A2M: variants seen among roughly 807,000 people sequenced by gnomAD.
A2M encodes the protein C3 and PZP-like alpha-2-macroglobulin domain-containing protein 5.
A neutral mutation model predicts 183.9 loss-of-function variants in A2M; 128 were observed. The observed-to-expected ratio is 0.70, with a 90% confidence interval of 0.60 to 0.81. The LOEUF (loss-of-function observed/expected upper bound fraction) is 0.81. Ranked by LOEUF, A2M falls within the 30% of genes least tolerant of loss-of-function variation. A2M has a pLI of 0.00. For missense variants in A2M, 1,495 were observed against 1,787.6 expected (o/e 0.84, Z 2.95); for synonymous variants, 592 against 670.8 (o/e 0.88, Z 1.81).
chr12:9,094,899 A>G lies in A2M; in HGVS notation c.2125+74T>C, dbSNP rs1188566070. On this transcript the variant is annotated intron_variant, in intron 17 of 35. Coordinates refer to ENST00000318602, the MANE Select transcript of A2M (RefSeq NM_000014.6). The stretch of plus-strand genomic sequence containing the variant: ...TCCTTTTTGTTTGTTAATTTTTGTC[A>G]CATTGTATCTTTTAAAAAATTTAAA... 1.2e-5 allele frequency: 9 copies of G among 748,528 alleles called. No homozygotes were observed. In the Admixed American group the frequency reaches 3.1e-4, roughly 26 times the overall value. The allele number at this position is 748,528 out of a possible 1,614,324, so 46.4% of individuals were successfully genotyped here. A position where few individuals can be genotyped will look rare whatever the true frequency, so the allele number is the denominator to read the frequency against.
At chr12:9,068,041 A>G in intron 35 of A2M, 142 bp downstream of exon 35, 1 of 1,067,332 alleles carries the variant, frequency 9.4e-7, no homozygotes, top group Non-Finnish European at 1.4e-6. Flanking sequence ...CTCTCCAATA[A>G]ATGTGTTTTT....
chr12:9,093,634 G>T, intron 17 of A2M, 55 bp from the exon 18 acceptor site: 2 of 982,076 alleles, frequency 2.0e-6, no homozygotes, highest in Non-Finnish European at 2.9e-6. Flanking sequence ...AAGCTTATGA[G>T]AGAATGTAAT....
rs78698660 is a variant in A2M at position 9,101,423 on chromosome 12, C to T, written c.1494+24G>A. On this transcript the variant is annotated intron_variant, in intron 12 of 35. Transcript: ENST00000318602. ...AGAGAGCTTTTGTCTACAGTGAAGT[C>T]AACGCAGTAACCTCCCTTCTCACCA... 6.8e-3 allele frequency: 10,818 copies of T among 1,590,352 alleles called. 529 individuals carry two copies. In the Admixed American group the frequency reaches 0.12, roughly 17 times the overall value.
chr12:9,079,453 G>T (rs1948842191), intron 24 of A2M, 122 bp from the exon 25 acceptor site: 1 of 1,168,938 alleles, frequency 8.6e-7, no homozygotes, highest in African/African-American at 1.5e-5. Context: ...CATAGATTAG[G>T]AGTTTCTGAG....
At chr12:9,079,364 G>A in intron 24 of A2M, 33 bp from the exon 25 acceptor site, 1 of 1,551,458 alleles carries the variant, frequency 6.4e-7, no homozygotes, top group South Asian at 1.1e-5. Context: ...CAGCACAATG[G>A]ATTAATGTGC....
intron 22 of A2M, 61 bp from the exon 23 acceptor site, chr12:9,080,238 G>C: frequency 8.5e-7 from 1 of 1,180,858 alleles, no homozygotes; most frequent in East Asian, 2.6e-5. Context: ...TTTCTAAACA[G>C]CTCTATGACC....
At position 9,079,374 on chromosome 12, in the gene A2M, C is replaced by T. The variant is rs371756472; in HGVS notation, c.3032-43G>A. 1.7e-5 allele frequency: 27 copies of T among 1,562,478 alleles called. No homozygotes were observed. In the African/African-American group the frequency reaches 3.4e-4, roughly 20 times the overall value. Reference sequence around the variant, plus strand: ...CGAAACAGCACAATGGATTAATGTGCATGCTGAGGGTGGAGAAATTACTAA... The same window carrying T: ...CGAAACAGCACAATGGATTAATGTGTATGCTGAGGGTGGAGAAATTACTAA... On this transcript the variant is annotated intron_variant, in intron 24 of 35. Coordinates refer to ENST00000318602, the MANE Select transcript of A2M (RefSeq NM_000014.6).
At position 9,068,781 on chromosome 12, in the gene A2M, A is replaced by G. The variant is rs1948472008; in HGVS notation, c.4325T>C (p.Leu1442Pro). ...TVLQDVPVRD[L>P]KPAIVKVYDY... ...ATAGACTTTCACTATGGCTGGTTTC[A>G]GATCTCTTACTGGGACATCTTGCAG... Residue 1442 changes from leucine to proline, a missense_variant, in exon 34 of 36, where the codon CTG becomes CCG. Transcript: ENST00000318602. The G allele has an allele frequency of 1.2e-6, 2 of 1,609,284 alleles. No homozygotes were observed. The highest frequency in any genetic ancestry group is 1.7e-6 in the Non-Finnish European group (2 of 1,177,862).
intron 10 of A2M, 145 bp downstream of exon 10, chr12:9,106,091 T>C: frequency 3.8e-6 from 2 of 532,740 alleles, no homozygotes; most frequent in Non-Finnish European, 6.7e-6. Context: ...CCTTTGGTTA[T>C]ACTAATCAAG....
chr12:9,093,465 T>C lies in A2M; in HGVS notation c.2240A>G (p.Asn747Ser), dbSNP rs1388515792. The C allele has an allele frequency of 5.6e-6, 9 of 1,612,206 alleles. No homozygotes were observed. Among genetic ancestry groups the C allele is most frequent in the Non-Finnish European group, 7.6e-6 (9 of 1,178,276 alleles). Residue 747 changes from asparagine (N) to serine (S), a missense_variant and splice_region_variant, in exon 18 of 36, where the codon AAC becomes AGC. Coordinates refer to ENST00000318602, the MANE Select transcript of A2M (RefSeq NM_000014.6). ...ATTGCATATGCAGGAAGTTACTTAC[T>C]TTACCACCACCAAATCCCAGATCCA... The part of the protein sequence containing the change: ...ETWIWDLVVV[N>S]SAGVAEVGVT...
Position 9,068,129 on chromosome 12 carries a change from G to C in A2M, c.4408+54C>G, listed in dbSNP as rs764506952. On this transcript the variant is annotated intron_variant, in intron 35 of 35. Transcript: ENST00000318602. ...AGCGTTTTATGAAGGAGAAGGTTTGGGGGGCAAGCTGAAGGAGCTCTGACT... is the reference window on the plus strand; with the variant it reads ...AGCGTTTTATGAAGGAGAAGGTTTGCGGGGCAAGCTGAAGGAGCTCTGACT... The C allele has an allele frequency of 1.3e-5, 20 of 1,585,566 alleles. No individual in the cohort carries two copies. In the East Asian group the frequency reaches 3.4e-4, roughly 27 times the overall value.
At chr12:9,106,460 G>A (rs1213678027) in intron 9 of A2M, 31 bp downstream of exon 9, 2 of 1,476,668 alleles carry the variant, frequency 1.4e-6, no homozygotes, top group Non-Finnish European at 1.9e-6. Context: ...TGCCTGTTGT[G>A]TTTTCTCTTA....
chr12:9,077,976 G>T (rs1805652), intron 25 of A2M, 119 bp from the exon 26 acceptor site: 384,232 of 1,135,024 alleles, frequency 0.34, 69,956 homozygotes, highest in African/African-American at 0.55. Flanking sequence ...TACTTAGAGA[G>T]CTTATCTCCT....
intron 18 of A2M, among the ~76,000 whole-genome samples, chr12:9,093,017 C>T (rs1370577627): frequency 6.6e-6 from 1 of 152,096 alleles, no homozygotes. Context: ...ACAAGTACTG[C>T]GTGATCTTAC....
Position 9,106,591 on chromosome 12 carries a change from G to T in A2M, c.894C>A (p.Gly298=), listed in dbSNP as rs943836479. 11 of 1,572,840 alleles carry T rather than the reference G, an allele frequency of 7.0e-6. No individual in the cohort carries two copies. Among genetic ancestry groups the T allele is most frequent in the South Asian group, 5.8e-5 (5 of 86,680 alleles). ...TGGTTTTTACTTGCTGATAGAAGCA[G>T]CCATGGCTGTTTAGCTAAGAAGGGA... The part of the protein sequence containing the change: ...EKFSGQLNSH[G]CFYQQVKTKV... The change falls in exon 9 of 36, where the codon GGC becomes GGA. Residue 298 remains glycine, a synonymous_variant. Transcript: ENST00000318602.
chr12:9,074,892 C>T, intron 28 of A2M, 109 bp from the exon 29 acceptor site: 1 of 1,140,884 alleles, frequency 8.8e-7, no homozygotes, highest in South Asian at 1.6e-5. Flanking sequence ...CATTATAATC[C>T]CCTGTACTGT....
chr12:9,067,862 A>C, intron 35 of A2M, 23 bp from the exon 36 acceptor site: 1 of 1,609,954 alleles, frequency 6.2e-7, no homozygotes, highest in Non-Finnish European at 8.5e-7. Flanking sequence ...AAAGAAAAAA[A>C]ATTAAGACAG....
At chr12:9,070,806 A>T (rs1457517196) in intron 31 of A2M, among the ~76,000 whole-genome samples, 4 of 149,268 alleles carry the variant, frequency 2.7e-5, no homozygotes, top group Admixed American at 6.7e-5. Flanking sequence ...TGTCTAGTGT[A>T]TGGGGGCTGA....
rs1949178338 is a variant in A2M at position 9,090,488 on chromosome 12, A to G, written c.2470-6T>C. ...GCTTCCAGCTGCACACTGACCTGAA[A>G]CCACACATAAGAAAGGGAGTAGAGA... On this transcript the variant is annotated splice_region_variant and splice_polypyrimidine_tract_variant and intron_variant, in intron 19 of 35. Transcript: ENST00000318602. 1 of 1,613,528 alleles carries G rather than the reference A, an allele frequency of 6.2e-7. No homozygotes were observed. The highest frequency in any genetic ancestry group is 8.5e-7 in the Non-Finnish European group (1 of 1,179,506).
Sources: gnomAD v4.1 joint callset for allele counts (sites outside exome capture counted in the v4.1 genomes callset) on GRCh38, gnomAD v4.1.1 for gene constraint, MANE v1.5 for transcripts, NCBI Gene and HGNC (gene_info 2026-07-23, HGNC 2026-07-21) for gene names.